Variants in DHRSX observed in about 807,000 individuals in gnomAD.
DHRSX encodes the protein dehydrogenase/reductase X-linked.
A neutral mutation model predicts 34.0 loss-of-function variants in DHRSX; 31 were observed. The observed-to-expected ratio is 0.91, with a 90% CI of 0.69 to 1.23. DHRSX has a LOEUF of 1.23. Ranked by LOEUF, DHRSX falls within the 50% of genes most tolerant of loss-of-function variation. The pLI, the probability that DHRSX is intolerant of heterozygous loss-of-function variation, is 0.00. For synonymous variants in DHRSX, 201 were observed against 183.8 expected (o/e 1.09, Z -0.76); for missense variants, 414 against 428.1 (o/e 0.97, Z 0.29).
chrX:2,474,505 A>G (rs1345490113), intron 1 of DHRSX, among the ~76,000 whole-genome samples: 2 of 151,904 alleles, frequency 1.3e-5, no homozygotes, highest in African/African-American at 4.8e-5. Context: ...AATGTGGCCA[A>G]GGGACCACAA....
At chrX:2,319,791 C>A (rs752948937) in intron 3 of DHRSX, among the ~76,000 whole-genome samples, 1 of 152,130 alleles carries the variant, frequency 6.6e-6, no homozygotes, top group African/African-American at 2.4e-5. Flanking sequence ...GCATAGAGGT[C>A]AGTACCCCTA....
chrX:2,490,276 G>A (rs1358739495), intron 1 of DHRSX: 2 of 1,613,810 alleles, frequency 1.2e-6, no homozygotes, highest in Non-Finnish European at 1.7e-6. Flanking sequence ...GCACCTTGAA[G>A]GTGGGCTCGT....
intron 1 of DHRSX, among the ~76,000 whole-genome samples, chrX:2,440,758 G>A (rs889552049): frequency 7.2e-5 from 11 of 152,108 alleles, no homozygotes; most frequent in African/African-American, 2.7e-4. Flanking sequence ...GCCTACTTTT[G>A]AGGTTTTGGG....
At chrX:2,304,724 C>A (rs1242373942) in intron 3 of DHRSX, among the ~76,000 whole-genome samples, 1 of 151,972 alleles carries the variant, frequency 6.6e-6, no homozygotes, top group Non-Finnish European at 1.5e-5. Context: ...AGCTGCTCTG[C>A]TTCCCGTACA....
At chrX:2,225,543 C>T (rs181327388) in intron 6 of DHRSX, among the ~76,000 whole-genome samples, 47 of 152,328 alleles carry the variant, frequency 3.1e-4, no homozygotes, top group African/African-American at 1.1e-3. Context: ...GGAGAGAGGC[C>T]TCAGGAGGAA....
At position 2,469,422 on chromosome X, in the gene DHRSX, C is replaced by T. The variant is rs930967018; in HGVS notation, c.109+31395G>A. Among the ~76,000 whole-genome samples, 249 of 151,526 alleles carry T rather than the reference C, an allele frequency of 1.6e-3. 1 individual carries two copies. Among genetic ancestry groups the T allele is most frequent in the Non-Finnish European group, 3.1e-3 (209 of 67,858 alleles). The stretch of plus-strand genomic sequence containing the variant: ...GTTCCCAAAGAATGCAGCCAAGCGA[C>T]GGCACTGAAGACACTCCCTAGGCAT... On this transcript the variant is annotated intron_variant, in intron 1 of 6. Coordinates refer to ENST00000334651, the MANE Select transcript of DHRSX (RefSeq NM_145177.3).
intron 3 of DHRSX, among the ~76,000 whole-genome samples, chrX:2,329,682 T>C (rs995908716): frequency 1.4e-4 from 22 of 152,120 alleles, no homozygotes; most frequent in African/African-American, 5.1e-4. Flanking sequence ...CATCCACCAC[T>C]GTTTGGTCAC....
intron 1 of DHRSX, among the ~76,000 whole-genome samples, chrX:2,477,257 T>A (rs1231213782): frequency 3.3e-5 from 5 of 152,072 alleles, no homozygotes; most frequent in Non-Finnish European, 5.9e-5. Context: ...CGACTTAGTG[T>A]CCACTGCAAA....
intron 1 of DHRSX, among the ~76,000 whole-genome samples, chrX:2,436,873 T>C (rs2043998366): frequency 6.6e-6 from 1 of 152,018 alleles, no homozygotes; most frequent in Admixed American, 6.6e-5. Flanking sequence ...CCTCAAGTGA[T>C]CCTCCCACCT....
At position 2,500,893 on chromosome X, in the gene DHRSX, C is replaced by G. The variant is rs1160589797; in HGVS notation, c.33G>C (p.Leu11=). 8.8e-7 allele frequency: 1 copy of G among 1,135,528 alleles called. No individual in the cohort carries two copies. Among genetic ancestry groups the G allele is most frequent in the Non-Finnish European group, 1.1e-6 (1 of 922,642 alleles). 70.3% of individuals were successfully genotyped at this position (1,135,528 alleles called of 1,614,324 possible). A position where few individuals can be genotyped will look rare whatever the true frequency, so the allele number is the denominator to read the frequency against. The change falls in exon 1 of 7, where the codon CTG becomes CTC. Residue 11 remains leucine, a synonymous_variant. Coordinates refer to ENST00000334651, the MANE Select transcript of DHRSX (RefSeq NM_145177.3). ...CCGCGGCGCCTACCGCGTAGACCCG[C>G]AGGGCCGCCCGCGCCGCAGACAATG... is the stretch of plus-strand genomic sequence containing the variant. MSPLSAARAA[L]RVYAVGAAVI...
chrX:2,372,966 T>TA (rs1174966202), intron 3 of DHRSX, among the ~76,000 whole-genome samples: 2 of 152,186 alleles, frequency 1.3e-5, no homozygotes, highest in Non-Finnish European at 2.9e-5. Context: ...GCATCTGTAT[T>TA]AGTTCATTCT....
intron 1 of DHRSX, among the ~76,000 whole-genome samples, chrX:2,471,384 G>T (rs1216073040): frequency 6.6e-6 from 1 of 151,998 alleles, no homozygotes; most frequent in Non-Finnish European, 1.5e-5. Flanking sequence ...CTGAACAATA[G>T]GCTGAAACCC....
Position 2,345,939 on chromosome X carries a change from C to G in DHRSX, c.287-54336G>C, listed in dbSNP as rs183425863. ...TCCTTAAAATAAATGTGCTTTCTAT[C>G]AGTACACACATCATATTGGTTCTAT... On this transcript the variant is annotated intron_variant, in intron 3 of 6. Transcript: ENST00000334651. Among the ~76,000 whole-genome samples the G allele has an allele frequency of 1.2e-3, 182 of 152,250 alleles. 3 individuals are homozygous for G. The highest frequency in any genetic ancestry group is 3.7e-3 in the South Asian group (18 of 4,826).
At chrX:2,360,982 T>C (rs1018195031) in intron 3 of DHRSX, among the ~76,000 whole-genome samples, 1 of 152,144 alleles carries the variant, frequency 6.6e-6, no homozygotes, top group Non-Finnish European at 1.5e-5. Flanking sequence ...CCTCTTTGTG[T>C]GTTTAGTGAT....
chrX:2,285,507 G>A (rs2041793775), intron 4 of DHRSX, among the ~76,000 whole-genome samples: 1 of 152,200 alleles, frequency 6.6e-6, no homozygotes, highest in South Asian at 2.1e-4. Context: ...GCAGAGCTCA[G>A]GCAGTCATGT....
chrX:2,248,518 C>T (rs1258667749), intron 5 of DHRSX, among the ~76,000 whole-genome samples: 2 of 146,458 alleles, frequency 1.4e-5, no homozygotes, highest in African/African-American at 2.5e-5. Flanking sequence ...GAGGCTGAGG[C>T]AGGAAAATTG....
chrX:2,233,272 C>T (rs1416576239), intron 6 of DHRSX, among the ~76,000 whole-genome samples: 2 of 151,970 alleles, frequency 1.3e-5, no homozygotes, highest in African/African-American at 2.4e-5. Context: ...CTTGGTGACG[C>T]CTTGTGCAGG....
chrX:2,465,048 C>T (rs1482296654), intron 1 of DHRSX, among the ~76,000 whole-genome samples: 2 of 151,734 alleles, frequency 1.3e-5, no homozygotes, highest in Non-Finnish European at 2.9e-5. Context: ...GCACCGAAGA[C>T]GTTCCCTAGG....
At chrX:2,494,827 A>G (rs1296856225) in intron 1 of DHRSX, among the ~76,000 whole-genome samples, 2 of 151,902 alleles carry the variant, frequency 1.3e-5, no homozygotes, top group South Asian at 2.1e-4. Context: ...TTCTATTATC[A>G]TTATAATTAT....
Sources: allele counts gnomAD v4.1 joint callset (sites outside exome capture counted in the v4.1 genomes callset), GRCh38; gene constraint gnomAD v4.1.1; transcripts MANE v1.5; gene names NCBI Gene and HGNC (gene_info 2026-07-23, HGNC 2026-07-21).